SPAG16: variants seen among roughly 807,000 people sequenced by gnomAD.
The protein encoded by SPAG16 is sperm associated antigen 16, also known as sperm-associated antigen 16 protein.
Under a neutral mutation model 80.4 loss-of-function variants are expected in SPAG16, and 86 were observed. The ratio of observed to expected loss-of-function variants is 1.07; its 90% CI spans 0.90 to 1.28. SPAG16 has a LOEUF of 1.28. Among genes scored for constraint, SPAG16 ranks in the 50% most tolerant of loss-of-function variants. The pLI, the probability that SPAG16 is intolerant of heterozygous loss-of-function variation, is 0.00. For synonymous variants in SPAG16, 294 were observed against 265.9 expected (o/e 1.11, Z -1.03); for missense variants, 870 against 765.3 (o/e 1.14, Z -1.61).
At chr2:213,346,459 C>T (rs2064996062) in intron 6 of SPAG16, among the ~76,000 whole-genome samples, 1 of 152,150 alleles carries the variant, frequency 6.6e-6, no homozygotes, top group Non-Finnish European at 1.5e-5. Context: ...TGTCTTGTGC[C>T]AGTTTTCAAA....
At chr2:214,065,965 C>A (rs979349837) in intron 13 of SPAG16, among the ~76,000 whole-genome samples, 8 of 152,152 alleles carry the variant, frequency 5.3e-5, no homozygotes, top group Non-Finnish European at 1.0e-4. Context: ...TACTCTTCAT[C>A]TTTTTATTCT....
intron 11 of SPAG16, among the ~76,000 whole-genome samples, chr2:213,905,340 G>A (rs189423615): frequency 5.9e-5 from 9 of 152,130 alleles, no homozygotes; most frequent in East Asian, 1.9e-4. Context: ...ATAATAACTC[G>A]GGCAAAATTC....
chr2:214,298,034 TC>T (rs1414078232), intron 15 of SPAG16, among the ~76,000 whole-genome samples: 1 of 150,426 alleles, frequency 6.6e-6, no homozygotes, highest in East Asian at 1.9e-4. Context: ...TTTATAGTTC[TC>T]CTTGTGGAGC....
At chr2:214,246,848 C>T (rs1442874080) in intron 15 of SPAG16, among the ~76,000 whole-genome samples, 1 of 152,042 alleles carries the variant, frequency 6.6e-6, no homozygotes, top group Non-Finnish European at 1.5e-5. Context: ...TGATTCCATG[C>T]CACAAATTGC....
intron 2 of SPAG16, chr2:213,296,944 G>A: frequency 1.6e-6 from 1 of 621,304 alleles, no homozygotes; most frequent in Non-Finnish European, 2.3e-6. Flanking sequence ...AAGCACTTGA[G>A]ATGGGGCAAG....
At chr2:213,678,228 C>G (rs1228970224) in intron 10 of SPAG16, among the ~76,000 whole-genome samples, 1 of 152,114 alleles carries the variant, frequency 6.6e-6, no homozygotes, top group Non-Finnish European at 1.5e-5. Flanking sequence ...CAAGAGCAAA[C>G]ACATTCAAAA....
chr2:213,384,475 G>C (rs988727178), intron 9 of SPAG16, among the ~76,000 whole-genome samples: 1 of 152,166 alleles, frequency 6.6e-6, no homozygotes, highest in South Asian at 2.1e-4. Context: ...ATCTAAGATG[G>C]TGGAGGGTGA....
intron 9 of SPAG16, among the ~76,000 whole-genome samples, chr2:213,435,047 A>G (rs1436937679): frequency 1.3e-5 from 2 of 152,238 alleles, no homozygotes; most frequent in African/African-American, 4.8e-5. Context: ...TAGGACAGAT[A>G]TGTAATCAAC....
chr2:213,866,510 A>G (rs1234356773), intron 11 of SPAG16, among the ~76,000 whole-genome samples: 1 of 152,084 alleles, frequency 6.6e-6, no homozygotes, highest in Non-Finnish European at 1.5e-5. Flanking sequence ...TCTAGCAACT[A>G]TACCTGTTAA....
At chr2:213,976,257 TAC>T (rs540324234) in intron 12 of SPAG16, among the ~76,000 whole-genome samples, 158 of 150,814 alleles carry the variant, frequency 1.0e-3, no homozygotes, top group African/African-American at 3.5e-3. Flanking sequence ...TACGTGTATA[TAC>T]ACACATATAC....
intron 12 of SPAG16, among the ~76,000 whole-genome samples, chr2:214,003,802 T>A (rs781468276): frequency 5.9e-5 from 9 of 152,348 alleles, no homozygotes; most frequent in Non-Finnish European, 1.0e-4. Flanking sequence ...CACTATCACT[T>A]GTGTGTGAAC....
At chr2:213,471,866 TGG>T (rs929638641) in intron 9 of SPAG16, among the ~76,000 whole-genome samples, 2 of 152,170 alleles carry the variant, frequency 1.3e-5, no homozygotes, top group African/African-American at 4.8e-5. Context: ...TGGTTGTAGG[TGG>T]GGTCAAATTC....
chr2:214,250,765 G>T lies in SPAG16; in HGVS notation c.1720+101499G>T, dbSNP rs1348428128. On this transcript the variant is annotated intron_variant, in intron 15 of 15. Transcript: ENST00000331683. ...ATATATATATATATATATAGAGAGA[G>T]AGAGAGAGAGAGAGAGAGAGAGAGT... 2.1e-3 allele frequency among the ~76,000 whole-genome samples: 293 copies of T among 136,696 alleles called. 1 individual carries two copies. Among genetic ancestry groups the T allele is most frequent in the African/African-American group, 6.0e-3 (230 of 38,422 alleles). 89.7% of individuals were successfully genotyped at this position (136,696 alleles called of 152,430 possible).
intron 10 of SPAG16, among the ~76,000 whole-genome samples, chr2:213,631,966 A>G (rs1200223103): frequency 6.6e-6 from 1 of 152,030 alleles, no homozygotes; most frequent in Admixed American, 6.6e-5. Flanking sequence ...GGCTATTCTG[A>G]GTCTTTTATG....
At chr2:214,264,962 A>G (rs1352894340) in intron 15 of SPAG16, among the ~76,000 whole-genome samples, 1 of 152,056 alleles carries the variant, frequency 6.6e-6, no homozygotes, top group East Asian at 1.9e-4. Flanking sequence ...TTGATAGATC[A>G]TTTCTTTTTA....
At chr2:213,892,858 G>A (rs1353687787) in intron 11 of SPAG16, among the ~76,000 whole-genome samples, 1 of 152,076 alleles carries the variant, frequency 6.6e-6, no homozygotes, top group Non-Finnish European at 1.5e-5. Context: ...TGAGAAAGTT[G>A]AACAATAGCA....
At chr2:213,874,465 C>T (rs2076067037) in intron 11 of SPAG16, among the ~76,000 whole-genome samples, 1 of 152,092 alleles carries the variant, frequency 6.6e-6, no homozygotes, top group African/African-American at 2.4e-5. Context: ...TAGGCCTACA[C>T]AGGGTCAGGA....
At chr2:214,027,370 G>A (rs993453808) in intron 13 of SPAG16, among the ~76,000 whole-genome samples, 5 of 151,582 alleles carry the variant, frequency 3.3e-5, no homozygotes, top group Admixed American at 6.6e-5. Context: ...TGATATAGAT[G>A]TATCACTGTT....
At position 213,451,528 on chromosome 2, in the gene SPAG16, C is replaced by T. The variant is rs1287056244; in HGVS notation, c.943-38435C>T. Among the ~76,000 whole-genome samples, 3 of 152,140 alleles carry T rather than the reference C, an allele frequency of 2.0e-5. No individual in the cohort carries two copies. In the East Asian group the frequency reaches 5.8e-4, roughly 29 times the overall value. On this transcript the variant is annotated intron_variant, in intron 9 of 15. Coordinates refer to ENST00000331683, the MANE Select transcript of SPAG16 (RefSeq NM_024532.5). Reference sequence around the variant, plus strand: ...AAGGCCTCATTGCCTGGGGTAAATGCCCAGGTTTTGGTCTCATGGCCAAGG... The same window carrying T: ...AAGGCCTCATTGCCTGGGGTAAATGTCCAGGTTTTGGTCTCATGGCCAAGG...
Sources: allele counts gnomAD v4.1 joint callset (sites outside exome capture counted in the v4.1 genomes callset), GRCh38; gene constraint gnomAD v4.1.1; transcripts MANE v1.5; gene names NCBI Gene and HGNC (gene_info 2026-07-23, HGNC 2026-07-21).